The following LRP1B variants were observed in gnomAD, a reference collection of about 807,000 sequenced individuals.
LRP1B encodes low-density lipoprotein receptor-related protein 1B.
In LRP1B, 217 loss-of-function variants were observed where a neutral mutation model predicts 556.6. The ratio of observed to expected loss-of-function variants is 0.39; its 90% CI spans 0.35 to 0.44. LRP1B has a LOEUF of 0.44. Among genes scored for constraint, LRP1B ranks in the 20% least tolerant of loss-of-function variants. LRP1B has a pLI of 1.00. For synonymous variants in LRP1B, 2,047 were observed against 1,865.8 expected, an observed-to-expected ratio of 1.10 and a Z score of -2.50; for missense variants, 5,053 against 5,620.8, an observed-to-expected ratio of 0.90 and a Z score of 3.23.
intron 3 of LRP1B, among the ~76,000 whole-genome samples, chr2:141,421,499 A>G (rs1050866269): frequency 6.8e-6 from 1 of 146,574 alleles, no homozygotes; most frequent in Non-Finnish European, 1.5e-5. Flanking sequence ...ACTGCACTCC[A>G]GCCTGGGCGA....
chr2:140,297,241 A>T (rs1683646179), intron 84 of LRP1B, among the ~76,000 whole-genome samples: 1 of 152,178 alleles, frequency 6.6e-6, no homozygotes, highest in African/African-American at 2.4e-5. Flanking sequence ...TTCTATTCAT[A>T]TAAATGAAAT....
chr2:141,410,168 C>T (rs1344111474), intron 3 of LRP1B, among the ~76,000 whole-genome samples: 1 of 152,028 alleles, frequency 6.6e-6, no homozygotes, highest in East Asian at 1.9e-4. Context: ...CAAGAACATT[C>T]CTTAGCTTAT....
In LRP1B at chr2:141,028,543, T is replaced by C. The variant is rs548282425; in HGVS notation, c.1790-8441A>G. Among the ~76,000 whole-genome samples the C allele has an allele frequency of 2.0e-5, 3 of 152,176 alleles. No homozygotes were observed. The East Asian group carries it at 5.8e-4, about 30-fold the overall frequency. The stretch of plus-strand genomic sequence containing the variant: ...TATGTAAGGTTTTACAAGATTCAAC[T>C]GAAAATTCCTGAAAAATCATCCAAG... On this transcript the variant is annotated intron_variant, in intron 11 of 90. Coordinates refer to ENST00000389484, the MANE Select transcript of LRP1B (RefSeq NM_018557.3).
chr2:141,080,877 G>T (rs1320470581), intron 7 of LRP1B, among the ~76,000 whole-genome samples: 1 of 152,158 alleles, frequency 6.6e-6, no homozygotes, highest in East Asian at 1.9e-4. Context: ...TAACCATCCT[G>T]CTCTTACCTG....
intron 2 of LRP1B, among the ~76,000 whole-genome samples, chr2:141,486,637 T>G (rs1408377917): frequency 6.6e-6 from 1 of 152,124 alleles, no homozygotes. Flanking sequence ...TCCCACCTTT[T>G]GGGTCTTGTC....
At chr2:141,743,501 CT>C (rs796287062) in intron 2 of LRP1B, among the ~76,000 whole-genome samples, 208 of 118,994 alleles carry the variant, frequency 1.7e-3, no homozygotes, top group African/African-American at 6.3e-3. Context: ...TTTTTTTTTT[CT>C]TTTTTTTTTT....
intron 35 of LRP1B, among the ~76,000 whole-genome samples, chr2:140,757,656 G>A (rs185018768): frequency 3.9e-5 from 6 of 152,252 alleles, no homozygotes; most frequent in East Asian, 1.9e-4. Flanking sequence ...TGAGGCCGGC[G>A]GATCATTTGA....
intron 7 of LRP1B, among the ~76,000 whole-genome samples, chr2:141,112,779 C>G (rs938972009): frequency 4.6e-5 from 7 of 152,088 alleles, no homozygotes; most frequent in Non-Finnish European, 7.3e-5. Context: ...CTGAATGGAA[C>G]TACTGCAAAT....
chr2:141,857,538 T>C (rs1698099566), intron 1 of LRP1B, among the ~76,000 whole-genome samples: 1 of 151,940 alleles, frequency 6.6e-6, no homozygotes. Context: ...GGTCTCAACA[T>C]GTTGCCCAGG....
intron 23 of LRP1B, among the ~76,000 whole-genome samples, chr2:140,886,866 A>T (rs1693653207): frequency 1.3e-5 from 2 of 152,188 alleles, no homozygotes; most frequent in African/African-American, 4.8e-5. Flanking sequence ...AGTCCAAAAA[A>T]ATCATAACTA....
rs1286074800 is a variant in LRP1B at position 141,817,350 on chromosome 2, G to A, written c.83-6949C>T. On this transcript the variant is annotated intron_variant, in intron 1 of 90. Transcript: ENST00000389484. Reference sequence around the variant, plus strand: ...TATCTTTTTATAATAATAGATTCTTGCAATCAAAAAACATGAAAAGATTAG... The same window carrying A: ...TATCTTTTTATAATAATAGATTCTTACAATCAAAAAACATGAAAAGATTAG... Among the ~76,000 whole-genome samples the A allele has an allele frequency of 3.9e-5, 6 of 152,062 alleles. No homozygotes were observed. The East Asian group carries it at 1.2e-3, about 29-fold the overall frequency.
chr2:142,008,595 C>A (rs996130028), intron 1 of LRP1B, among the ~76,000 whole-genome samples: 4 of 151,694 alleles, frequency 2.6e-5, no homozygotes, highest in African/African-American at 9.7e-5. Flanking sequence ...TCCCTAACCA[C>A]AAACTCCAAT....
intron 2 of LRP1B, among the ~76,000 whole-genome samples, chr2:141,524,228 C>T (rs1245687074): frequency 6.7e-6 from 1 of 150,258 alleles, no homozygotes; most frequent in Non-Finnish European, 1.5e-5. Context: ...AACTTCTATT[C>T]CATTGAAATC....
chr2:141,380,094 A>T (rs759353590), intron 3 of LRP1B, among the ~76,000 whole-genome samples: 25 of 152,090 alleles, frequency 1.6e-4, no homozygotes, highest in Non-Finnish European at 2.9e-4. Flanking sequence ...CCAGCTTTTA[A>T]CTTGCTTGTC....
At chr2:140,858,485 T>C (rs1438468452) in intron 27 of LRP1B, among the ~76,000 whole-genome samples, 1 of 125,648 alleles carries the variant, frequency 8.0e-6, no homozygotes, top group Non-Finnish European at 1.7e-5. Context: ...ATATATAATA[T>C]ATATTTTATA....
intron 2 of LRP1B, among the ~76,000 whole-genome samples, chr2:141,661,293 T>C (rs1348224492): frequency 6.6e-6 from 1 of 151,962 alleles, no homozygotes; most frequent in Non-Finnish European, 1.5e-5. Context: ...TCACAACACC[T>C]CTCCAGCAAT....
At chr2:140,719,967 A>T (rs1449922748) in intron 35 of LRP1B, among the ~76,000 whole-genome samples, 1 of 152,092 alleles carries the variant, frequency 6.6e-6, no homozygotes, top group African/African-American at 2.4e-5. Flanking sequence ...GTATCTGCAA[A>T]ATAAACACAA....
Position 140,982,157 on chromosome 2 carries a change from T to TA in LRP1B, c.2887+2dup. 6.2e-7 allele frequency: 1 copy of TA among 1,609,306 alleles called. No individual in the cohort carries two copies. The highest frequency in any genetic ancestry group is 8.5e-7 in the Non-Finnish European group (1 of 1,176,018). On this transcript the variant is annotated splice_region_variant and intron_variant, in intron 18 of 90. Coordinates refer to ENST00000389484, the MANE Select transcript of LRP1B (RefSeq NM_018557.3). The stretch of plus-strand genomic sequence containing the variant: ...ATAATAACATGTCTCACTCACAACT[T>TA]ACCACAAGATGCCATTTCATCTGTC...
intron 56 of LRP1B, among the ~76,000 whole-genome samples, chr2:140,495,018 G>A (rs1301148200): frequency 6.6e-6 from 1 of 152,090 alleles, no homozygotes; most frequent in Non-Finnish European, 1.5e-5. Flanking sequence ...TATGGGCCAT[G>A]CTTTATTAAA....
Sources: gnomAD v4.1 joint callset for allele counts (sites outside exome capture counted in the v4.1 genomes callset) on GRCh38, gnomAD v4.1.1 for gene constraint, MANE v1.5 for transcripts, NCBI Gene and HGNC (gene_info 2026-07-23, HGNC 2026-07-21) for gene names.